FAF1: variants seen among roughly 807,000 people sequenced by gnomAD.
The protein encoded by FAF1 is FAS-associated factor 1.
Under a neutral mutation model 92.5 loss-of-function variants are expected in FAF1, and 25 were observed. That is an observed-to-expected ratio of 0.27 (90% CI 0.20 to 0.38). The LOEUF (loss-of-function observed/expected upper bound fraction) is 0.38. Ranked by LOEUF, FAF1 falls within the 10% of genes least tolerant of loss-of-function variation. The pLI is 1.00. For synonymous variants in FAF1, 234 were observed against 273.2 expected (o/e 0.86, Z 1.42); for missense variants, 636 against 793.3 (o/e 0.80, Z 2.38).
chr1:50,823,408 A>G (rs2124622972), intron 2 of FAF1, among the ~76,000 whole-genome samples: 1 of 152,334 alleles, frequency 6.6e-6, no homozygotes, highest in East Asian at 1.9e-4. Context: ...CAGAAGGAAT[A>G]ACATAAGCAC....
Position 50,725,575 on chromosome 1 carries a change from C to A in FAF1, c.551+13288G>T, listed in dbSNP as rs182601963. On this transcript the variant is annotated intron_variant, in intron 6 of 18. Transcript: ENST00000396153. ...GGTTCAAGCAATTCCCGTGCCTCAGCTATACGAGTAGCTGGGATTACAGGT... is the reference window on the plus strand; with the variant it reads ...GGTTCAAGCAATTCCCGTGCCTCAGATATACGAGTAGCTGGGATTACAGGT... Among the ~76,000 whole-genome samples, 353 of 152,278 alleles carry A rather than the reference C, an allele frequency of 2.3e-3. 1 individual carries two copies. The highest frequency in any genetic ancestry group is 8.3e-3 in the African/African-American group (344 of 41,554).
In FAF1 at chr1:50,636,379, CTTT is replaced by C. The variant is rs1213567555; in HGVS notation, c.744+19060_744+19062del. Among the ~76,000 whole-genome samples the C allele has an allele frequency of 9.2e-3, 734 of 79,860 alleles. 2 individuals carry two copies. Among genetic ancestry groups the C allele is most frequent in the African/African-American group, 0.034 (606 of 17,720 alleles). 52.4% of individuals were successfully genotyped at this position (79,860 alleles called of 152,430 possible). A position where few individuals can be genotyped will look rare whatever the true frequency, so the allele number is the denominator to read the frequency against. On this transcript the variant is annotated intron_variant, in intron 8 of 18. Coordinates refer to ENST00000396153, the MANE Select transcript of FAF1 (RefSeq NM_007051.3). The stretch of plus-strand genomic sequence containing the variant: ...ATTTTCTCTTAGTTTGGGGCGTGTC[CTTT>C]TTTTTTTTTTTTTTTTTTTTTTGAG...
At chr1:50,592,402 T>A (rs1651562865) in intron 9 of FAF1, among the ~76,000 whole-genome samples, 1 of 152,058 alleles carries the variant, frequency 6.6e-6, no homozygotes, top group Admixed American at 6.6e-5. Flanking sequence ...GATAAATTGT[T>A]ACCTAGCTAG....
chr1:50,629,720 T>A (rs1653673591), intron 8 of FAF1, among the ~76,000 whole-genome samples: 1 of 152,094 alleles, frequency 6.6e-6, no homozygotes, highest in Non-Finnish European at 1.5e-5. Flanking sequence ...AATGTGGGGA[T>A]AATAACATCT....
chr1:50,584,577 C>A, intron 10 of FAF1, 108 bp downstream of exon 10: 4 of 1,099,868 alleles, frequency 3.6e-6, no homozygotes, highest in Non-Finnish European at 5.2e-6. Flanking sequence ...ATCTTATCTC[C>A]TCAAACCTGG....
rs368190773 is a variant in FAF1, at chr1:50,444,635, A to G, written c.1870-3112T>C. Among the ~76,000 whole-genome samples, 6 of 152,302 alleles carry G rather than the reference A, an allele frequency of 3.9e-5. No individual in the cohort carries two copies. The East Asian group carries it at 9.6e-4, about 24-fold the overall frequency. On this transcript the variant is annotated intron_variant, in intron 18 of 18. Coordinates refer to ENST00000396153, the MANE Select transcript of FAF1 (RefSeq NM_007051.3). ...TCTGTTCTTTATTTTCTTGTTCTTC[A>G]GTCATCATCATAGCAGCAACTATCA...
At chr1:50,948,496 G>A (rs1645188445) in intron 1 of FAF1, among the ~76,000 whole-genome samples, 1 of 151,896 alleles carries the variant, frequency 6.6e-6, no homozygotes, top group African/African-American at 2.4e-5. Context: ...AGAAAATGGT[G>A]AAGATCTCAG....
chr1:50,934,393 G>A (rs1314789062), intron 1 of FAF1, among the ~76,000 whole-genome samples: 4 of 151,946 alleles, frequency 2.6e-5, no homozygotes, highest in Non-Finnish European at 5.9e-5. Context: ...TAATATGCAG[G>A]TCTGTGGGCA....
intron 8 of FAF1, among the ~76,000 whole-genome samples, chr1:50,607,529 T>C (rs1417201507): frequency 6.6e-6 from 1 of 152,218 alleles, no homozygotes; most frequent in African/African-American, 2.4e-5. Flanking sequence ...AAATGTGCCT[T>C]GCATGTGCCT....
chr1:50,894,394 C>T (rs1644743052), intron 1 of FAF1, among the ~76,000 whole-genome samples: 1 of 150,178 alleles, frequency 6.7e-6, no homozygotes, highest in South Asian at 2.1e-4. Context: ...CTCTTCAGGA[C>T]AGTGGGCTCC....
At chr1:50,498,831 C>T (rs1432108246) in intron 15 of FAF1, among the ~76,000 whole-genome samples, 1 of 143,456 alleles carries the variant, frequency 7.0e-6, no homozygotes, top group African/African-American at 2.6e-5. Flanking sequence ...GCATGGGCGA[C>T]AGAGCGAACC....
chr1:50,533,792 C>A (rs1027070387), intron 15 of FAF1, among the ~76,000 whole-genome samples: 1 of 152,106 alleles, frequency 6.6e-6, no homozygotes, highest in Non-Finnish European at 1.5e-5. Context: ...AACATAACAT[C>A]TCAAATTAAC....
chr1:50,884,719 T>C (rs1339553204), intron 1 of FAF1, among the ~76,000 whole-genome samples: 1 of 152,142 alleles, frequency 6.6e-6, no homozygotes, highest in Non-Finnish European at 1.5e-5. Context: ...ACTGTAGTTT[T>C]TTTTGGTTTG....
intron 7 of FAF1, among the ~76,000 whole-genome samples, chr1:50,685,392 T>C (rs1656613372): frequency 6.6e-6 from 1 of 152,152 alleles, no homozygotes; most frequent in African/African-American, 2.4e-5. Flanking sequence ...TGTAGCGAGA[T>C]AGAAGGAGGG....
intron 15 of FAF1, among the ~76,000 whole-genome samples, chr1:50,498,368 C>G (rs1149791): frequency 0.025 from 3,783 of 151,990 alleles, 140 homozygotes; most frequent in African/African-American, 0.085. Context: ...TTCTTTAGTA[C>G]GTCATTGAAA....
At chr1:50,538,865 C>T (rs1335732796) in intron 14 of FAF1, among the ~76,000 whole-genome samples, 1 of 152,058 alleles carries the variant, frequency 6.6e-6, no homozygotes, top group Non-Finnish European at 1.5e-5. Flanking sequence ...TACACATATC[C>T]CCTCCTCCCA....
intron 1 of FAF1, among the ~76,000 whole-genome samples, chr1:50,875,092 A>C (rs1375173206): frequency 6.6e-6 from 1 of 151,974 alleles, no homozygotes; most frequent in African/African-American, 2.4e-5. Context: ...ATTCATATTA[A>C]AGAATACTGA....
intron 1 of FAF1, among the ~76,000 whole-genome samples, chr1:50,927,094 G>A (rs1356785862): frequency 6.6e-6 from 1 of 152,178 alleles, no homozygotes. Context: ...TTAATGTTTA[G>A]AAGCAGAAAG....
At chr1:50,919,775 A>T (rs1390107298) in intron 1 of FAF1, among the ~76,000 whole-genome samples, 3 of 152,196 alleles carry the variant, frequency 2.0e-5, no homozygotes, top group Non-Finnish European at 4.4e-5. Flanking sequence ...ACCCAGCCGA[A>T]GAATATTCTT....
Sources: allele counts gnomAD v4.1 joint callset (sites outside exome capture counted in the v4.1 genomes callset), GRCh38; gene constraint gnomAD v4.1.1; transcripts MANE v1.5; gene names NCBI Gene and HGNC (gene_info 2026-07-23, HGNC 2026-07-21).